Variants in LRFN2 observed in about 807,000 individuals in gnomAD.
LRFN2 encodes leucine-rich repeat and fibronectin type-III domain-containing protein 2.
Under a neutral mutation model 37.3 loss-of-function variants are expected in LRFN2, and 18 were observed. The ratio of observed to expected loss-of-function variants is 0.48; its 90% CI spans 0.33 to 0.72. LRFN2 has a LOEUF of 0.72. Ranked by LOEUF, LRFN2 falls within the 30% of genes least tolerant of loss-of-function variation. The probability of loss-of-function intolerance (pLI) is 0.02; values close to 1 mark genes in which losing one functional copy is unlikely to be tolerated. For missense variants in LRFN2, 1,006 were observed against 1,060.7 expected, an observed-to-expected ratio of 0.95 and a Z score of 0.72; for synonymous variants, 556 against 466.6, an observed-to-expected ratio of 1.19 and a Z score of -2.47.
At chr6:40,538,583 A>G (rs554267360) in intron 1 of LRFN2, among the ~76,000 whole-genome samples, 1 of 152,390 alleles carries the variant, frequency 6.6e-6, no homozygotes, top group South Asian at 2.1e-4. Context: ...TCCTCATCAG[A>G]AAACCCCAAC....
rs1765816225 is a variant in LRFN2, at chr6:40,514,874, A to T, written c.-19+72067T>A. On this transcript the variant is annotated intron_variant, in intron 1 of 2. Transcript: ENST00000338305. The stretch of plus-strand genomic sequence containing the variant: ...TCAAACAGTTCCCATTTCTTAAAGT[A>T]TATCTCTTTTTCCTTATGCAGCACC... 2.6e-5 allele frequency among the ~76,000 whole-genome samples: 4 copies of T among 152,184 alleles called. No homozygotes were observed. In the East Asian group the frequency reaches 7.7e-4, roughly 29 times the overall value.
intron 1 of LRFN2, among the ~76,000 whole-genome samples, chr6:40,500,093 T>A (rs1293076478): frequency 6.6e-6 from 1 of 152,182 alleles, no homozygotes; most frequent in Admixed American, 6.5e-5. Context: ...CCTCTTAGCC[T>A]CCACGACTGC....
intron 1 of LRFN2, among the ~76,000 whole-genome samples, chr6:40,442,322 TA>T (rs374624144): frequency 1.1e-4 from 16 of 152,226 alleles, no homozygotes; most frequent in African/African-American, 3.9e-4. Flanking sequence ...AGGCAAAAAT[TA>T]AAATAGGCTT....
intron 1 of LRFN2, among the ~76,000 whole-genome samples, chr6:40,437,724 T>G (rs1231932726): frequency 6.6e-6 from 1 of 152,160 alleles, no homozygotes; most frequent in African/African-American, 2.4e-5. Flanking sequence ...GGGGACTGGA[T>G]GAATATGTGT....
At chr6:40,474,816 A>T (rs922283232) in intron 1 of LRFN2, among the ~76,000 whole-genome samples, 1 of 152,236 alleles carries the variant, frequency 6.6e-6, no homozygotes, top group African/African-American at 2.4e-5. Context: ...TGAGATCCTT[A>T]TTCCAAATAA....
At chr6:40,396,933 A>G (rs1305287121) in intron 2 of LRFN2, among the ~76,000 whole-genome samples, 1 of 152,168 alleles carries the variant, frequency 6.6e-6, no homozygotes, top group Non-Finnish European at 1.5e-5. Context: ...TTAATCTCCT[A>G]CAACCCTCTG....
intron 1 of LRFN2, among the ~76,000 whole-genome samples, chr6:40,538,845 T>C (rs2473579): frequency 0.029 from 4,431 of 152,366 alleles, 235 homozygotes; most frequent in African/African-American, 0.1. Context: ...TTCTGTCTTT[T>C]TGTGCTCATC....
At chr6:40,558,710 C>G (rs570218371) in intron 1 of LRFN2, among the ~76,000 whole-genome samples, 33 of 152,306 alleles carry the variant, frequency 2.2e-4, no homozygotes, top group Non-Finnish European at 2.4e-4. Context: ...CCTAATACTA[C>G]TAAGCTCCTA....
intron 1 of LRFN2, among the ~76,000 whole-genome samples, chr6:40,475,233 C>T (rs1295890149): frequency 2.0e-5 from 3 of 152,200 alleles, no homozygotes; most frequent in Non-Finnish European, 4.4e-5. Flanking sequence ...ACAATTGATG[C>T]AGCGGTTCTG....
chr6:40,470,481 G>A (rs1700296810), intron 1 of LRFN2, among the ~76,000 whole-genome samples: 1 of 152,102 alleles, frequency 6.6e-6, no homozygotes, highest in African/African-American at 2.4e-5. Context: ...ATGGTGGCAT[G>A]CACCTGTAGT....
At chr6:40,517,024 T>C (rs531746260) in intron 1 of LRFN2, among the ~76,000 whole-genome samples, 1 of 152,178 alleles carries the variant, frequency 6.6e-6, no homozygotes, top group Middle Eastern at 3.2e-3. Context: ...CCTGCCTGCA[T>C]AGGGCTTACT....
At chr6:40,549,113 T>A (rs2113921153) in intron 1 of LRFN2, among the ~76,000 whole-genome samples, 1 of 152,270 alleles carries the variant, frequency 6.6e-6, no homozygotes, top group East Asian at 1.9e-4. Context: ...GCAACAAAGA[T>A]GTTGCCATTC....
chr6:40,551,406 G>C (rs1243672014), intron 1 of LRFN2, among the ~76,000 whole-genome samples: 2 of 152,182 alleles, frequency 1.3e-5, no homozygotes, highest in Non-Finnish European at 2.9e-5. Flanking sequence ...GAGCCAATGA[G>C]AAATGGAGCC....
chr6:40,550,834 A>T (rs1766763053), intron 1 of LRFN2, among the ~76,000 whole-genome samples: 1 of 152,218 alleles, frequency 6.6e-6, no homozygotes, highest in African/African-American at 2.4e-5. Flanking sequence ...GAGATGCTGG[A>T]CAGGGAGTTG....
rs1762539944 is a variant in LRFN2 at position 40,392,767 on chromosome 6, T to C, written c.1546A>G (p.Lys516Glu). The change falls in exon 3 of 3, where the codon AAG becomes GAG. Residue 516 changes from lysine to glutamate, a missense_variant. This residue lies in a region of LRFN2 where 120 missense variants were observed against 178.4 expected (regional missense o/e 0.67). Coordinates refer to ENST00000338305, the MANE Select transcript of LRFN2 (RefSeq NM_020737.3). This position sits in a 1 kb window ranked among gnomAD's most constrained non-coding sequence, Gnocchi z 4.7. Reference protein sequence around the residue: ...NIVGCAQFFTKADYPQCQSMH... With the variant: ...NIVGCAQFFTEADYPQCQSMH... ...GACTGGCACTGCGGGTAGTCAGCCT[T>C]GGTGAAGAACTGGGCGCAGCCCACG... is the stretch of plus-strand genomic sequence containing the variant. 1 of 1,614,058 alleles carries C rather than the reference T, an allele frequency of 6.2e-7. No homozygotes were observed. Among genetic ancestry groups the C allele is most frequent in the Non-Finnish European group, 8.5e-7 (1 of 1,179,996 alleles).
chr6:40,470,010 T>C (rs1764556134), intron 1 of LRFN2, among the ~76,000 whole-genome samples: 1 of 152,216 alleles, frequency 6.6e-6, no homozygotes, highest in African/African-American at 2.4e-5. Flanking sequence ...CCGGAGCCAG[T>C]CCCTTCCTTT....
At chr6:40,546,164 C>T (rs902488184) in intron 1 of LRFN2, among the ~76,000 whole-genome samples, 1 of 152,118 alleles carries the variant, frequency 6.6e-6, no homozygotes, top group Non-Finnish European at 1.5e-5. Context: ...AGGGAATTTG[C>T]ATGACAACGC....
At chr6:40,420,161 TAA>T (rs1763188195) in intron 2 of LRFN2, among the ~76,000 whole-genome samples, 1 of 152,214 alleles carries the variant, frequency 6.6e-6, no homozygotes, top group African/African-American at 2.4e-5. Flanking sequence ...CTCTCTTTTG[TAA>T]AGAGTTAACG....
At chr6:40,475,084 G>A (rs1764680612) in intron 1 of LRFN2, among the ~76,000 whole-genome samples, 1 of 152,180 alleles carries the variant, frequency 6.6e-6, no homozygotes, top group African/African-American at 2.4e-5. Flanking sequence ...CCCCATATGT[G>A]CAGGAGGAGC....
Sources: allele counts gnomAD v4.1 joint callset (sites outside exome capture counted in the v4.1 genomes callset), GRCh38; gene constraint gnomAD v4.1.1; regional missense constraint gnomAD v4.1.1; non-coding constraint Gnocchi (gnomAD v3.1); transcripts MANE v1.5; gene names NCBI Gene and HGNC (gene_info 2026-07-23, HGNC 2026-07-21).